The following DNMT1 variants were observed in gnomAD, a reference collection of about 807,000 sequenced individuals.
DNMT1 encodes DNA methyltransferase 1.
In DNMT1, 24 loss-of-function variants were observed where a neutral mutation model predicts 205.3. That is an observed-to-expected ratio of 0.12 (90% CI 0.08 to 0.16). DNMT1 has a LOEUF of 0.16. DNMT1 is among the 10% of genes least tolerant of loss of function. The pLI, the probability that DNMT1 is intolerant of heterozygous loss-of-function variation, is 1.00. For synonymous variants in DNMT1, 817 were observed against 839.8 expected, an observed-to-expected ratio of 0.97 and a Z score of 0.47; for missense variants, 1,293 against 2,177.7, an observed-to-expected ratio of 0.59 and a Z score of 8.09.
At position 10,194,902 on chromosome 19, in the gene DNMT1, CG is replaced by C; in HGVS notation, c.-4del. ...GCTGGGGCGGTACGCGCCGGCATCT[CG>C]GAGGCTTCAGCAGACGCGGCGGCGG... On this transcript the variant is annotated 5_prime_UTR_variant, in exon 1 of 41. Transcript: ENST00000359526. 1 of 1,607,756 alleles carries C rather than the reference CG, an allele frequency of 6.2e-7. No homozygotes were observed.
At chr19:10,136,053 C>T (rs1435330673) in intron 38 of DNMT1, 68 bp downstream of exon 38, 1 of 1,607,810 alleles carries the variant, frequency 6.2e-7, no homozygotes, top group Admixed American at 1.7e-5. Flanking sequence ...TAAACCCACA[C>T]TTCCACCTAG....
At chr19:10,193,804 T>G (rs2039347839) in intron 1 of DNMT1, among the ~76,000 whole-genome samples, 1 of 150,090 alleles carries the variant, frequency 6.7e-6, no homozygotes, top group Non-Finnish European at 1.5e-5. Context: ...TGGCAAAGAG[T>G]GCTTTCACAA....
chr19:10,173,288 C>T (rs1599387318), intron 8 of DNMT1, 114 bp from the exon 9 acceptor site: 2 of 997,208 alleles, frequency 2.0e-6, no homozygotes, highest in Non-Finnish European at 3.1e-6. Flanking sequence ...TCTCAGGAGC[C>T]CTGACAGACA....
chr19:10,142,327 C>T (rs1344153273), intron 29 of DNMT1, 107 bp from the exon 30 acceptor site: 2 of 1,515,700 alleles, frequency 1.3e-6, no homozygotes, highest in Non-Finnish European at 9.0e-7. Flanking sequence ...GGGTAAAGAC[C>T]CCCTAGTTCG....
rs780156725 is a variant in DNMT1 at position 10,143,969 on chromosome 19, G to A, written c.2913C>T (p.Pro971=). Residue 971 remains proline (P), a synonymous_variant, in exon 29 of 41, where the codon CCC becomes CCT. Transcript: ENST00000359526. The part of the protein sequence containing the change: ...AFTFNIKLSS[P]VKRPRKEPVD... ...CGGGCTCCTTCCGTGGGCGTTTCAC[G>A]GGACTGGACAGCTTGATGCTGCAGA... is the stretch of plus-strand genomic sequence containing the variant. 3.1e-5 allele frequency: 50 copies of A among 1,613,796 alleles called. No individual in the cohort carries two copies. Among genetic ancestry groups the A allele is most frequent in the Non-Finnish European group, 3.8e-5 (45 of 1,179,962 alleles).
At chr19:10,184,600 G>A (rs573974034) in intron 1 of DNMT1, 105 of 152,250 alleles carry the variant, frequency 6.9e-4, no homozygotes, top group African/African-American at 2.4e-3. Flanking sequence ...ATGGCTTGTG[G>A]GCAGGAGTTC....
chr19:10,138,611 G>A lies in DNMT1; in HGVS notation c.3949-6C>T. The A allele has an allele frequency of 6.2e-7, 1 of 1,601,238 alleles. No individual in the cohort carries two copies. The highest frequency in any genetic ancestry group is 8.5e-7 in the Non-Finnish European group (1 of 1,179,598). ...GCCACGCCGTACTGACCGGCCTGTGGGGGAGAAGGACGGACAACCCCACCG... is the reference window on the plus strand; with the variant it reads ...GCCACGCCGTACTGACCGGCCTGTGAGGGAGAAGGACGGACAACCCCACCG... On this transcript the variant is annotated splice_polypyrimidine_tract_variant and splice_region_variant and intron_variant, in intron 34 of 40. Coordinates refer to ENST00000359526, the MANE Select transcript of DNMT1 (RefSeq NM_001130823.3). This position sits in a 1 kb window ranked among gnomAD's most constrained non-coding sequence, Gnocchi z 4.1.
At chr19:10,152,926 C>A (rs1395672888) in intron 22 of DNMT1, among the ~76,000 whole-genome samples, 7 of 147,340 alleles carry the variant, frequency 4.8e-5, no homozygotes, top group Non-Finnish European at 7.4e-5. Context: ...ACAGCAGGAC[C>A]CTGTCTCTAC....
chr19:10,158,929 C>T (rs914258917), intron 17 of DNMT1, among the ~76,000 whole-genome samples: 3 of 152,200 alleles, frequency 2.0e-5, no homozygotes, highest in Non-Finnish European at 4.4e-5. Flanking sequence ...CCTCTCCCGT[C>T]TTCACAGAAC....
Position 10,136,115 on chromosome 19 carries a change from A to C in DNMT1, c.4656+6T>G. 1.2e-6 allele frequency: 2 copies of C among 1,613,834 alleles called. No homozygotes were observed. The highest frequency in any genetic ancestry group is 1.7e-6 in the Non-Finnish European group (2 of 1,179,984). ...CCAGGCCCTCGGATGCCCCCTCCCC[A>C]CCTACCTGCTTGCCCATGGGCTCGG... On this transcript the variant is annotated splice_donor_region_variant and intron_variant, in intron 38 of 40. Transcript: ENST00000359526.
chr19:10,181,321 G>A (rs2039041424), intron 2 of DNMT1, among the ~76,000 whole-genome samples: 1 of 151,734 alleles, frequency 6.6e-6, no homozygotes, highest in Non-Finnish European at 1.5e-5. Flanking sequence ...ATGGTGGCTT[G>A]AGCCTGTAGT....
In DNMT1 at chr19:10,151,385, C is replaced by G. The variant is rs1291178484; in HGVS notation, c.2265+13G>C. The G allele has an allele frequency of 2.5e-6, 4 of 1,611,808 alleles. No homozygotes were observed. The highest frequency in any genetic ancestry group is 3.4e-6 in the Non-Finnish European group (4 of 1,180,022). On this transcript the variant is annotated intron_variant, in intron 24 of 40. Transcript: ENST00000359526. The surrounding 1 kb of genome is among the most constrained non-coding windows in gnomAD (Gnocchi z 5.0). The stretch of plus-strand genomic sequence containing the variant: ...ACATGGCAGTGAGCTGACCAAGGGG[C>G]TCCAAGGGTTACCTTGACGGCTTCT...
At position 10,156,019 on chromosome 19, in the gene DNMT1, C is replaced by A; in HGVS notation, c.1400-74G>T. ...ACCCAGGAGGCGCTCTAAGCGCCCA[C>A]TCAGCAGACATCCCATCAGCCAGGT... is the stretch of plus-strand genomic sequence containing the variant. On this transcript the variant is annotated intron_variant, in intron 18 of 40. Transcript: ENST00000359526. The surrounding 1 kb of genome is among the most constrained non-coding windows in gnomAD (Gnocchi z 4.2). The A allele has an allele frequency of 1.3e-6, 2 of 1,483,526 alleles. No homozygotes were observed. Among genetic ancestry groups the A allele is most frequent in the East Asian group, 2.3e-5 (1 of 42,554 alleles). 91.9% of individuals were successfully genotyped at this position (1,483,526 alleles called of 1,614,324 possible). A position where few individuals can be genotyped will look rare whatever the true frequency, so the allele number is the denominator to read the frequency against.
intron 14 of DNMT1, 115 bp from the exon 15 acceptor site, chr19:10,160,178 T>C: frequency 1.9e-6 from 3 of 1,580,384 alleles, no homozygotes; most frequent in East Asian, 2.2e-5. Context: ...GCACCGGCTG[T>C]GGCAGTGAGG....
At chr19:10,139,081 T>C (rs746302001) in intron 34 of DNMT1, among the ~76,000 whole-genome samples, 1 of 152,202 alleles carries the variant, frequency 6.6e-6, no homozygotes, top group Non-Finnish European at 1.5e-5. Context: ...AGCATCTGGA[T>C]AGCTGTTTCA....
chr19:10,182,234 C>A (rs193188174), intron 1 of DNMT1, among the ~76,000 whole-genome samples, 157 bp from the exon 2 acceptor site: 58 of 152,178 alleles, frequency 3.8e-4, no homozygotes, highest in Non-Finnish European at 6.6e-4. Flanking sequence ...CCGCAAGAGT[C>A]TAGAGTGTCC....
At chr19:10,158,831 T>C (rs2038509452) in intron 17 of DNMT1, among the ~76,000 whole-genome samples, 1 of 152,172 alleles carries the variant, frequency 6.6e-6, no homozygotes, top group Non-Finnish European at 1.5e-5. Context: ...CTGGTAATGG[T>C]GTCCCCTTCT....
In DNMT1 at chr19:10,138,905, G is replaced by A. The variant is rs1005807681; in HGVS notation, c.3949-300C>T. ...GGGCCCCAAGGTCTTAGCACTCGGG[G>A]AGAACACTGGAGACCAGGAGCCCTG... On this transcript the variant is annotated intron_variant, in intron 34 of 40. Coordinates refer to ENST00000359526, the MANE Select transcript of DNMT1 (RefSeq NM_001130823.3). This position sits in a 1 kb window ranked among gnomAD's most constrained non-coding sequence, Gnocchi z 4.1. 3.3e-5 allele frequency among the ~76,000 whole-genome samples: 5 copies of A among 152,342 alleles called. No homozygotes were observed. The highest frequency in any genetic ancestry group is 5.9e-5 in the Non-Finnish European group (4 of 68,034).
chr19:10,186,838 CA>C (rs35238334), intron 1 of DNMT1, among the ~76,000 whole-genome samples: 33,483 of 70,642 alleles, frequency 0.47, 5,158 homozygotes, highest in Middle Eastern at 0.55. Context: ...AACTCCGTCT[CA>C]AAAAAAAAAA....
Sources: allele counts gnomAD v4.1 joint callset (sites outside exome capture counted in the v4.1 genomes callset), GRCh38; gene constraint gnomAD v4.1.1; non-coding constraint Gnocchi (gnomAD v3.1); transcripts MANE v1.5; gene names NCBI Gene and HGNC (gene_info 2026-07-23, HGNC 2026-07-21).